Variants in NRK observed in about 807,000 individuals in gnomAD.
NRK encodes Nik related kinase.
Under a neutral mutation model 125.2 loss-of-function variants are expected in NRK, and 67 were observed. The observed-to-expected ratio is 0.54, with a 90% CI of 0.44 to 0.66. The LOEUF is 0.66. NRK is among the 30% of genes least tolerant of loss of function. The probability of loss-of-function intolerance (pLI) is 0.00; values close to 1 mark genes in which losing one functional copy is unlikely to be tolerated. For synonymous variants in NRK, 458 were observed against 429.0 expected, an observed-to-expected ratio of 1.07 and a Z score of -0.84; for missense variants, 1,224 against 1,192.9, an observed-to-expected ratio of 1.03 and a Z score of -0.38.
At chrX:105,912,861 C>T (rs1661835857) in intron 14 of NRK, 106 bp downstream of exon 14, 4 of 342,415 alleles carry the variant, frequency 1.2e-5, no homozygotes, top group South Asian at 8.2e-5. Context: ...CATTGAGGAC[C>T]TCAAAAAGCT....
chrX:105,907,923 A>C (rs2040240743), intron 11 of NRK: 1 of 138,050 alleles, frequency 7.2e-6, no homozygotes, highest in Admixed American at 8.9e-5. Flanking sequence ...GCTCACCACT[A>C]TTTAGAGTTT....
chrX:105,826,656 A>G (rs2039116815), intron 1 of NRK, among the ~76,000 whole-genome samples: 1 of 107,651 alleles, frequency 9.3e-6, no homozygotes, highest in East Asian at 2.9e-4. Context: ...TGATCCAAAA[A>G]CTATATTTGA....
chrX:105,846,378 A>C (rs141873228), intron 2 of NRK, among the ~76,000 whole-genome samples: 2 of 111,798 alleles, frequency 1.8e-5, no homozygotes, highest in Non-Finnish European at 3.8e-5. Flanking sequence ...TGTGGAGTGG[A>C]ATTGAGGCAG....
At chrX:105,922,635 A>G (rs1263665893) in intron 17 of NRK, among the ~76,000 whole-genome samples, 1 of 111,821 alleles carries the variant, frequency 8.9e-6, no homozygotes, top group Non-Finnish European at 1.9e-5. Context: ...TAAATGATAC[A>G]TACCATACTT....
intron 2 of NRK, among the ~76,000 whole-genome samples, chrX:105,862,777 C>T (rs754066845): frequency 5.4e-5 from 6 of 111,890 alleles, no homozygotes; most frequent in Non-Finnish European, 9.4e-5. Context: ...ACTAAGGTGA[C>T]GGGGCTTGTG....
chrX:105,946,180 T>A, intron 25 of NRK, 135 bp from the exon 26 acceptor site: 1 of 725,116 alleles, frequency 1.4e-6, no homozygotes, highest in Non-Finnish European at 2.0e-6. Context: ...CACAGGTCTC[T>A]AAATACAATA....
intron 9 of NRK, among the ~76,000 whole-genome samples, chrX:105,904,669 CA>C (rs2040198656): frequency 9.0e-6 from 1 of 111,429 alleles, no homozygotes; most frequent in African/African-American, 3.3e-5. Flanking sequence ...GTGAAGAAAC[CA>C]AGATACAGAT....
At chrX:105,878,889 C>T (rs975102557) in intron 2 of NRK, among the ~76,000 whole-genome samples, 20 of 111,122 alleles carry the variant, frequency 1.8e-4, no homozygotes, top group Non-Finnish European at 2.8e-4. Context: ...TAAAAAATTG[C>T]TACAAACTGG....
intron 1 of NRK, among the ~76,000 whole-genome samples, chrX:105,830,027 C>T (rs1162421840): frequency 9.1e-6 from 1 of 109,621 alleles, no homozygotes; most frequent in South Asian, 3.9e-4. Flanking sequence ...GTTAAATTTT[C>T]TGCTTGTCTA....
At chrX:105,880,073 A>G (rs1243276541) in intron 2 of NRK, 126 bp from the exon 3 acceptor site, 3 of 252,874 alleles carry the variant, frequency 1.2e-5, no homozygotes, top group Non-Finnish European at 2.1e-5. Flanking sequence ...TTTCATTTGT[A>G]TATATTTTAT....
At chrX:105,890,316 T>G (rs781031661) in intron 5 of NRK, among the ~76,000 whole-genome samples, 4 of 111,706 alleles carry the variant, frequency 3.6e-5, no homozygotes, top group Non-Finnish European at 5.6e-5. Flanking sequence ...TCAACAAGTT[T>G]CTAGGAAGTT....
At chrX:105,871,323 T>C (rs2039744445) in intron 2 of NRK, among the ~76,000 whole-genome samples, 1 of 111,533 alleles carries the variant, frequency 9.0e-6, no homozygotes, top group South Asian at 3.8e-4. Context: ...CATTTACTTA[T>C]GGACAAAGAA....
chrX:105,920,214 C>T (rs1461282312), intron 16 of NRK, among the ~76,000 whole-genome samples: 5 of 103,781 alleles, frequency 4.8e-5, no homozygotes, highest in Admixed American at 2.1e-4. Context: ...AGACATGCGG[C>T]GTTATTTCTG....
At chrX:105,950,089 T>G (rs1461606498) in intron 27 of NRK, among the ~76,000 whole-genome samples, 1 of 112,146 alleles carries the variant, frequency 8.9e-6, no homozygotes, top group Non-Finnish European at 1.9e-5. Context: ...ACACTGATTG[T>G]GGGGTTTATC....
rs12008596 is a variant in NRK, at chrX:105,832,491, C to T, written c.123+1372C>T. On this transcript the variant is annotated intron_variant, in intron 2 of 28. Transcript: ENST00000243300. ...TTCCCCAGGCCTGTTGCTCAAAAAC[C>T]GGATTACTGTCCTTAGGCTGATCCT... Among the ~76,000 whole-genome samples the T allele has an allele frequency of 6.4e-3, 712 of 111,266 alleles. 6 individuals are homozygous for T. The highest frequency in any genetic ancestry group is 0.021 in the African/African-American group (650 of 30,654).
rs765286142 is a variant in NRK at position 105,909,386 on chromosome X, G to C, written c.1745G>C (p.Arg582Pro). The change falls in exon 13 of 29, where the codon CGA becomes CCA. Residue 582 changes from arginine to proline, a missense_variant. Transcript: ENST00000243300. ...ETEAEEPESL[R>P]VNAQVFLPLL... The stretch of plus-strand genomic sequence containing the variant: ...GAGGCAGAGGAACCTGAGTCATTAC[G>C]AGTAAATGCCCAGGTATTTCTGCCC... The C allele has an allele frequency of 1.7e-6, 2 of 1,205,809 alleles. No individual in the cohort carries two copies. The highest frequency in any genetic ancestry group is 4.4e-5 in the Admixed American group (2 of 45,509).
At chrX:105,826,459 T>G (rs1448448788) in intron 1 of NRK, among the ~76,000 whole-genome samples, 1 of 97,924 alleles carries the variant, frequency 1.0e-5, no homozygotes, top group Non-Finnish European at 2.0e-5. Context: ...TTTCTTCCTC[T>G]CCAAATCTGT....
At chrX:105,930,900 G>T (rs746930639) in intron 19 of NRK, among the ~76,000 whole-genome samples, 113 of 111,903 alleles carry the variant, frequency 1.0e-3, no homozygotes, top group African/African-American at 3.6e-3. Flanking sequence ...GCACACCTTT[G>T]CCAGGGGTGG....
intron 24 of NRK, among the ~76,000 whole-genome samples, chrX:105,944,452 G>A (rs1350050580): frequency 9.0e-6 from 1 of 111,532 alleles, no homozygotes; most frequent in Non-Finnish European, 1.9e-5. Context: ...ACAATTCACA[G>A]GCATCACAGC....
Sources: allele counts gnomAD v4.1 joint callset (sites outside exome capture counted in the v4.1 genomes callset), GRCh38; gene constraint gnomAD v4.1.1; transcripts MANE v1.5; gene names NCBI Gene and HGNC (gene_info 2026-07-23, HGNC 2026-07-21).